Variants in TBC1D10A observed in about 807,000 individuals in gnomAD.
TBC1D10A encodes EBP50-PDX interactor of 64 kDa.
A neutral mutation model predicts 52.9 loss-of-function variants in TBC1D10A; 24 were observed. The ratio of observed to expected loss-of-function variants is 0.45; its 90% CI spans 0.33 to 0.64. TBC1D10A has a LOEUF of 0.64. Ranked by LOEUF, TBC1D10A falls within the 30% of genes least tolerant of loss-of-function variation. TBC1D10A has a pLI of 0.02. For missense variants in TBC1D10A, 602 were observed against 687.9 expected, an observed-to-expected ratio of 0.88 and a Z score of 1.40; for synonymous variants, 278 against 282.9, an observed-to-expected ratio of 0.98 and a Z score of 0.17.
At position 30,326,690 on chromosome 22, in the gene TBC1D10A, C is replaced by A. The variant is rs375400780; in HGVS notation, c.192G>T (p.Ser64=). 21 of 1,548,834 alleles carry A rather than the reference C, an allele frequency of 1.4e-5. No individual in the cohort carries two copies. In the African/African-American group the frequency reaches 2.7e-4, roughly 20 times the overall value. The part of the protein sequence containing the change: ...RIDKFGFIVG[S]QGAEGALEEV... ...CTACTCACGCGCCCTCGGCGCCCTG[C>A]GAGCCCACGATGAAGCCGAACTTGT... Residue 64 remains serine (S), a synonymous_variant, in exon 1 of 9, where the codon TCG becomes TCT. Transcript: ENST00000215790.
At chr22:30,325,469 G>A (rs1169933372) in intron 1 of TBC1D10A, among the ~76,000 whole-genome samples, 1 of 152,178 alleles carries the variant, frequency 6.6e-6, no homozygotes, top group Non-Finnish European at 1.5e-5. Flanking sequence ...TCATGGCAGG[G>A]CCCCAGGAGC....
chr22:30,317,833 T>C (rs1292694200), intron 1 of TBC1D10A, among the ~76,000 whole-genome samples: 1 of 152,212 alleles, frequency 6.6e-6, no homozygotes, highest in East Asian at 1.9e-4. Flanking sequence ...TTGTTTAATG[T>C]CTGATTTCCC....
chr22:30,295,482 C>T lies in TBC1D10A; in HGVS notation c.524+255G>A, dbSNP rs776137416. Among the ~76,000 whole-genome samples the T allele has an allele frequency of 2.9e-4, 44 of 152,216 alleles. 1 individual carries two copies. Among genetic ancestry groups the T allele is most frequent in the South Asian group, 4.1e-4 (2 of 4,834 alleles). ...CCCAATTCCCTCTATCCCTCTTTCT[C>T]GCCAACAAAACCTGTTTCCGGAAGA... On this transcript the variant is annotated intron_variant, in intron 4 of 8. Coordinates refer to ENST00000215790, the MANE Select transcript of TBC1D10A (RefSeq NM_031937.3).
rs1930060869 is a variant in TBC1D10A at position 30,295,612 on chromosome 22, G to T, written c.524+125C>A. 4.5e-6 allele frequency: 4 copies of T among 894,078 alleles called. No individual in the cohort carries two copies. The East Asian group carries it at 1.1e-4, about 24-fold the overall frequency. 55.4% of individuals were successfully genotyped at this position (894,078 alleles called of 1,614,324 possible). On this transcript the variant is annotated intron_variant, in intron 4 of 8. Coordinates refer to ENST00000215790, the MANE Select transcript of TBC1D10A (RefSeq NM_031937.3). ...CACATCAGACTCAAACCAAAAAAAGGGAAATGCTAAGAGTGGAGTTGGGGG... is the reference window on the plus strand; with the variant it reads ...CACATCAGACTCAAACCAAAAAAAGTGAAATGCTAAGAGTGGAGTTGGGGG...
chr22:30,323,800 T>C (rs1243392706), intron 1 of TBC1D10A, among the ~76,000 whole-genome samples: 1 of 152,146 alleles, frequency 6.6e-6, no homozygotes, highest in East Asian at 1.9e-4. Context: ...ACTCCATCTC[T>C]ACTAAAAATA....
chr22:30,308,078 G>A (rs1238627613), intron 1 of TBC1D10A, among the ~76,000 whole-genome samples: 1 of 152,238 alleles, frequency 6.6e-6, no homozygotes, highest in Admixed American at 6.5e-5. Context: ...TTACAGGCGT[G>A]AGCCACAGCG....
At chr22:30,302,820 G>A (rs552975494) in intron 2 of TBC1D10A, among the ~76,000 whole-genome samples, 7 of 152,330 alleles carry the variant, frequency 4.6e-5, no homozygotes, top group Middle Eastern at 6.8e-3. Context: ...CTGGAATCCC[G>A]ATTTTCAAGA....
chr22:30,326,781 G>C lies in TBC1D10A; in HGVS notation c.101C>G (p.Thr34Ser). The C allele has an allele frequency of 6.6e-7, 1 of 1,507,106 alleles. No individual in the cohort carries two copies. Among genetic ancestry groups the C allele is most frequent in the Non-Finnish European group, 8.9e-7 (1 of 1,126,366 alleles). 93.4% of individuals were successfully genotyped at this position (1,507,106 alleles called of 1,614,324 possible). A position where few individuals can be genotyped will look rare whatever the true frequency, so the allele number is the denominator to read the frequency against. The change falls in exon 1 of 9, where the codon ACC becomes AGC. Residue 34 changes from threonine to serine, a missense_variant. Thr to Ser is a moderately conservative substitution (Grantham distance 58). Transcript: ENST00000215790. ...CCCGAGAGAGCTGAGTTCGTCGGTG[G>C]TTGCGGCGTCGGGGCCCTGGGCCAG... ...ESLAQGPDAA[T>S]TDELSSLGSD...
At chr22:30,300,276 C>T (rs971878405) in intron 2 of TBC1D10A, among the ~76,000 whole-genome samples, 5 of 151,692 alleles carry the variant, frequency 3.3e-5, no homozygotes, top group African/African-American at 7.3e-5. Flanking sequence ...GGTGAAACCC[C>T]GTCTCTACTA....
At chr22:30,309,301 A>C (rs1930379917) in intron 1 of TBC1D10A, among the ~76,000 whole-genome samples, 1 of 150,990 alleles carries the variant, frequency 6.6e-6, no homozygotes, top group South Asian at 2.1e-4. Flanking sequence ...CAGTGGCATG[A>C]TCTCAGCTCA....
At chr22:30,310,066 C>T (rs1930394457) in intron 1 of TBC1D10A, among the ~76,000 whole-genome samples, 2 of 152,176 alleles carry the variant, frequency 1.3e-5, no homozygotes, top group South Asian at 4.1e-4. Flanking sequence ...CTCCTCTCAC[C>T]CATAGGGGAA....
intron 1 of TBC1D10A, 99 bp from the exon 2 acceptor site, chr22:30,304,729 G>A: frequency 6.6e-7 from 1 of 1,518,258 alleles, no homozygotes; most frequent in Non-Finnish European, 8.8e-7. Context: ...CATTCTTCCT[G>A]CCTACCATCC....
chr22:30,325,784 ACCCT>A (rs1569166239), intron 1 of TBC1D10A, among the ~76,000 whole-genome samples: 2 of 151,630 alleles, frequency 1.3e-5, no homozygotes, highest in African/African-American at 4.8e-5. Flanking sequence ...ATGAGCAGGG[ACCCT>A]GCTGTCTCCC....
intron 1 of TBC1D10A, chr22:30,307,597 C>T (rs1261968835): frequency 6.6e-6 from 1 of 152,238 alleles, no homozygotes; most frequent in Non-Finnish European, 1.5e-5. Flanking sequence ...AATGCCCTTT[C>T]TTCTCCCTTC....
intron 1 of TBC1D10A, among the ~76,000 whole-genome samples, chr22:30,307,429 G>T (rs1330532080): frequency 6.6e-6 from 1 of 152,144 alleles, no homozygotes; most frequent in Non-Finnish European, 1.5e-5. Flanking sequence ...TCACTCTATT[G>T]TTAAACAGTT....
At position 30,294,072 on chromosome 22, in the gene TBC1D10A, C is replaced by G. The variant is rs757757680; in HGVS notation, c.744G>C (p.Leu248=). 53 of 1,613,970 alleles carry G rather than the reference C, an allele frequency of 3.3e-5. No individual in the cohort carries two copies. Among genetic ancestry groups the G allele is most frequent in the Non-Finnish European group, 4.4e-5 (52 of 1,180,036 alleles). Residue 248 remains leucine, a synonymous_variant, in exon 7 of 9, where the codon CTG becomes CTC. Coordinates refer to ENST00000215790, the MANE Select transcript of TBC1D10A (RefSeq NM_031937.3). ...GGGCCACCGGCGACACCTTCTGCAA[C>G]AGCGAGAAAAGGATCTCCCCGTCCA... is the stretch of plus-strand genomic sequence containing the variant. ...IQLDGEILFS[L]LQKVSPVAHK...
intron 2 of TBC1D10A, among the ~76,000 whole-genome samples, chr22:30,303,085 G>A (rs1479462925): frequency 3.9e-5 from 6 of 152,184 alleles, no homozygotes; most frequent in South Asian, 2.1e-4. Flanking sequence ...GTTCCAGACC[G>A]GCCTGGGCAA....
Position 30,293,770 on chromosome 22 carries a change from G to C in TBC1D10A, c.931C>G (p.Leu311Val). ...TCAGGGGAGCCCAGCGCGTGCTTCA[G>C]CAGCACCAGCCCCACCCGGAAGATG... ...KIIFRVGLVL[L>V]KHALGSPEKV... The change falls in exon 8 of 9, where the codon CTG (leucine) becomes GTG (valine). Residue 311 changes from leucine to valine, a missense_variant. Leu to Val is a conservative substitution (Grantham distance 32, BLOSUM62 1). Transcript: ENST00000215790. 3.1e-6 allele frequency: 5 copies of C among 1,612,572 alleles called. No homozygotes were observed. The highest frequency in any genetic ancestry group is 4.2e-6 in the Non-Finnish European group (5 of 1,179,150).
chr22:30,298,258 G>A (rs1446193073), intron 3 of TBC1D10A: 4 of 152,196 alleles, frequency 2.6e-5, no homozygotes, highest in Non-Finnish European at 4.4e-5. Flanking sequence ...CCCAGGATGC[G>A]GCCCCTCGAA....
Sources: gnomAD v4.1 joint callset for allele counts (sites outside exome capture counted in the v4.1 genomes callset) on GRCh38, gnomAD v4.1.1 for gene constraint, MANE v1.5 for transcripts, NCBI Gene and HGNC (gene_info 2026-07-23, HGNC 2026-07-21) for gene names.